PKHD1: variants seen among roughly 807,000 people sequenced by gnomAD.
PKHD1 encodes fibrocystin.
In PKHD1, 291 loss-of-function variants were observed where a neutral mutation model predicts 412.0. That is an observed-to-expected ratio of 0.71 (90% CI 0.64 to 0.78). PKHD1 has a LOEUF of 0.78. PKHD1 is among the 30% of genes least tolerant of loss of function. The pLI is 0.00. For synonymous variants in PKHD1, 1,777 were observed against 1,821.5 expected (o/e 0.98, Z 0.62); for missense variants, 4,825 against 4,950.7 (o/e 0.97, Z 0.76).
chr6:51,958,368 T>C (rs969868819), intron 36 of PKHD1, among the ~76,000 whole-genome samples: 18 of 152,070 alleles, frequency 1.2e-4, no homozygotes, highest in African/African-American at 4.1e-4. Context: ...AAAACCACTA[T>C]TGGAGGTTGG....
intron 63 of PKHD1, among the ~76,000 whole-genome samples, chr6:51,647,437 A>G (rs1770243273): frequency 6.6e-6 from 1 of 152,148 alleles, no homozygotes; most frequent in Non-Finnish European, 1.5e-5. Context: ...TTTCATATAA[A>G]TGAGCTTCAA....
intron 35 of PKHD1, among the ~76,000 whole-genome samples, chr6:51,994,050 CA>C (rs776760704): frequency 2.6e-4 from 40 of 152,286 alleles, no homozygotes; most frequent in African/African-American, 8.4e-4. Flanking sequence ...CAGGACTCTC[CA>C]AGCTTTTAAT....
At chr6:51,887,811 A>G (rs1262600027) in intron 43 of PKHD1, among the ~76,000 whole-genome samples, 2 of 152,218 alleles carry the variant, frequency 1.3e-5, no homozygotes, top group Non-Finnish European at 2.9e-5. Flanking sequence ...ACCCAGCCTC[A>G]GGTATTTCTT....
chr6:51,884,021 C>A (rs895454052), intron 45 of PKHD1, among the ~76,000 whole-genome samples: 2 of 152,126 alleles, frequency 1.3e-5, no homozygotes, highest in African/African-American at 4.8e-5. Context: ...TAATAAATTT[C>A]TGTTTATTAT....
intron 35 of PKHD1, among the ~76,000 whole-genome samples, chr6:51,997,009 C>T (rs1182230544): frequency 6.6e-6 from 1 of 152,154 alleles, no homozygotes; most frequent in African/African-American, 2.4e-5. Context: ...AGCCCATTAC[C>T]CTGAGCAGAG....
In PKHD1 at chr6:52,056,954, T is replaced by A; in HGVS notation, c.1538A>T (p.Asn513Ile). 2 of 1,613,692 alleles carry A rather than the reference T, an allele frequency of 1.2e-6. No individual in the cohort carries two copies. The highest frequency in any genetic ancestry group is 1.3e-5 in the African/African-American group (1 of 75,044). The change falls in exon 17 of 67, where the codon AAC (asparagine) becomes ATC (isoleucine). Residue 513 changes from asparagine to isoleucine, a missense_variant. Physicochemically the swap from Asn to Ile is moderately radical, Grantham distance 149. Transcript: ENST00000371117. ...GACATTGTCCCAAGTAAGGAAGAAG[T>A]TTCCTCTGCCTGATACATTCAGCAC... Reference protein sequence around the residue: ...VQVLNVSGRGNFFLTWDNVSS... With the variant: ...VQVLNVSGRGIFFLTWDNVSS...
At chr6:51,987,845 A>T (rs1796401638) in intron 35 of PKHD1, among the ~76,000 whole-genome samples, 1 of 152,248 alleles carries the variant, frequency 6.6e-6, no homozygotes, top group East Asian at 1.9e-4. Context: ...AGTTGAATAA[A>T]ATGGGCTCTG....
At chr6:51,874,141 C>T (rs1279372860) in intron 46 of PKHD1, among the ~76,000 whole-genome samples, 3 of 152,176 alleles carry the variant, frequency 2.0e-5, no homozygotes, top group Non-Finnish European at 4.4e-5. Flanking sequence ...AAGAATGAAG[C>T]AACTCCATCA....
rs765667001 is a variant in PKHD1 at position 51,807,485 on chromosome 6, A to ATATATG, written c.8303-16113_8303-16112insCATATA. On this transcript the variant is annotated intron_variant, in intron 52 of 66. Transcript: ENST00000371117. ...TATATATATATATATATATATGTAT[A>ATATATG]TGTGTGTGTGTGTGTGTGTGTGTGT... Among the ~76,000 whole-genome samples, 72 of 111,760 alleles carry ATATATG rather than the reference A, an allele frequency of 6.4e-4. 1 individual carries two copies. The highest frequency in any genetic ancestry group is 5.1e-3 in the Middle Eastern group (1 of 196). The allele number at this position is 111,760 out of a possible 152,430, so 73.3% of individuals were successfully genotyped here.
intron 60 of PKHD1, among the ~76,000 whole-genome samples, chr6:51,713,906 A>G (rs1780936038): frequency 6.6e-6 from 1 of 152,096 alleles, no homozygotes; most frequent in Non-Finnish European, 1.5e-5. Flanking sequence ...CTTTAGCACA[A>G]CTAGTCTCTC....
intron 49 of PKHD1, among the ~76,000 whole-genome samples, chr6:51,848,581 C>T (rs1478436955): frequency 1.3e-5 from 2 of 152,130 alleles, no homozygotes; most frequent in African/African-American, 4.8e-5. Context: ...CTAGGGTATC[C>T]ACCTCCAGAG....
At chr6:51,714,430 C>T (rs769663566) in intron 60 of PKHD1, among the ~76,000 whole-genome samples, 10 of 151,976 alleles carry the variant, frequency 6.6e-5, no homozygotes, top group Non-Finnish European at 1.3e-4. Flanking sequence ...TTCCAATGAA[C>T]ACTCACCTTT....
chr6:51,800,008 G>A (rs181635986), intron 52 of PKHD1, among the ~76,000 whole-genome samples: 2 of 152,246 alleles, frequency 1.3e-5, no homozygotes, highest in South Asian at 2.1e-4. Context: ...CTGGCATATG[G>A]AGGGAACCAT....
At chr6:52,016,507 A>G (rs1474502061) in intron 34 of PKHD1, among the ~76,000 whole-genome samples, 1 of 151,890 alleles carries the variant, frequency 6.6e-6, no homozygotes, top group African/African-American at 2.4e-5. Flanking sequence ...GTGGTGGTAT[A>G]TACCTGCAAT....
At chr6:51,977,434 C>T (rs1794605015) in intron 35 of PKHD1, among the ~76,000 whole-genome samples, 2 of 152,212 alleles carry the variant, frequency 1.3e-5, no homozygotes, top group South Asian at 2.1e-4. Context: ...CAGAGCTTGC[C>T]TCCATTAGCT....
chr6:51,903,726 G>A lies in PKHD1; in HGVS notation c.6867C>T (p.Asp2289=). 6.2e-7 allele frequency: 1 copy of A among 1,609,124 alleles called. No individual in the cohort carries two copies. Among genetic ancestry groups the A allele is most frequent in the Non-Finnish European group, 8.5e-7 (1 of 1,176,766 alleles). The part of the protein sequence containing the change: ...SWEAIHGRKD[D]WSGHGNIIRN... ...TTATTATATTTCCATGTCCTGACCA[G>A]TCTAATGTTTCAACAAATCCAGGGG... Residue 2289 remains aspartate, a splice_region_variant and synonymous_variant, in exon 43 of 67, where the codon GAC becomes GAT. Transcript: ENST00000371117.
chr6:52,024,722 A>G lies in PKHD1; in HGVS notation c.5088T>C (p.Ser1696=). 1 of 1,614,260 alleles carries G rather than the reference A, an allele frequency of 6.2e-7. No individual in the cohort carries two copies. Among genetic ancestry groups the G allele is most frequent in the African/African-American group, 1.3e-5 (1 of 75,070 alleles). Residue 1696 remains serine (S), a synonymous_variant, in exon 32 of 67, where the codon TCT becomes TCC. Coordinates refer to ENST00000371117, the MANE Select transcript of PKHD1 (RefSeq NM_138694.4). ...CGCACTGAAGAACGGTGTGGTTACC[A>G]GAGACACCCACACAGGGTGACATTC... The part of the protein sequence containing the change: ...FIGMSPCVGV[S]GNHTVLQCVV...
chr6:52,065,079 G>GTA (rs750360297), intron 12 of PKHD1, 29 bp from the exon 13 acceptor site: 2 of 1,025,392 alleles, frequency 2.0e-6, no homozygotes, highest in Non-Finnish European at 2.9e-6. Context: ...ATTTATGTAT[G>GTA]TGTGTGTGTG....
Position 52,050,192 on chromosome 6 carries a change from C to T in PKHD1, c.2244G>A (p.Ala748=), listed in dbSNP as rs886043022. The T allele has an allele frequency of 9.3e-6, 15 of 1,614,074 alleles. No homozygotes were observed. Among genetic ancestry groups the T allele is most frequent in the Non-Finnish European group, 1.1e-5 (13 of 1,180,034 alleles). ...TGAGCGGGAGCTCCGTGCCACACCC[C>T]GCCAGCCAGGAGGTGACACTGTAGA... The part of the protein sequence containing the change: ...PPVYSVTSWL[A]GCGTELPLIT... Residue 748 remains alanine (A), a synonymous_variant, in exon 22 of 67, where the codon GCG becomes GCA. Coordinates refer to ENST00000371117, the MANE Select transcript of PKHD1 (RefSeq NM_138694.4).
Sources: gnomAD v4.1 joint callset for allele counts (sites outside exome capture counted in the v4.1 genomes callset) on GRCh38, gnomAD v4.1.1 for gene constraint, MANE v1.5 for transcripts, NCBI Gene and HGNC (gene_info 2026-07-23, HGNC 2026-07-21) for gene names.